The following TBC1D2B variants were observed in gnomAD, a reference collection of about 807,000 sequenced individuals.
TBC1D2B encodes TBC1 domain family, member 2B.
TBC1D2B carries 64 observed loss-of-function variants against 100.8 expected under a neutral mutation model. That is an observed-to-expected ratio of 0.64 (90% CI 0.52 to 0.78). The LOEUF is 0.78. Ranked by LOEUF, TBC1D2B falls within the 30% of genes least tolerant of loss-of-function variation. The pLI, the probability that TBC1D2B is intolerant of heterozygous loss-of-function variation, is 0.00. For synonymous variants in TBC1D2B, 480 were observed against 479.7 expected (o/e 1.00, Z -0.01); for missense variants, 1,052 against 1,218.4 (o/e 0.86, Z 2.03).
intron 8 of TBC1D2B, among the ~76,000 whole-genome samples, chr15:78,014,089 G>A (rs576607470): frequency 6.6e-6 from 1 of 152,316 alleles, no homozygotes; most frequent in South Asian, 2.1e-4. Context: ...CAGCCAGCAA[G>A]GAAATAGCGA....
chr15:78,073,063 T>C (rs2073765559), intron 1 of TBC1D2B, among the ~76,000 whole-genome samples: 1 of 152,358 alleles, frequency 6.6e-6, no homozygotes, highest in South Asian at 2.1e-4. Context: ...AGCAGACTTG[T>C]CAGAACAGAC....
intron 1 of TBC1D2B, among the ~76,000 whole-genome samples, chr15:78,075,184 A>C (rs1232779069): frequency 1.3e-5 from 2 of 151,696 alleles, no homozygotes; most frequent in East Asian, 3.9e-4. Flanking sequence ...GCTTATGTAG[A>C]TTCTTATTTA....
chr15:78,023,998 ATGAT>A (rs2072584598), intron 6 of TBC1D2B, among the ~76,000 whole-genome samples, 154 bp downstream of exon 6: 1 of 152,168 alleles, frequency 6.6e-6, no homozygotes, highest in African/African-American at 2.4e-5. Context: ...CAGAAGATTA[ATGAT>A]TATTTGATGG....
At position 77,996,319 on chromosome 15, in the gene TBC1D2B, G is replaced by C; in HGVS notation, c.*1841C>G. On this transcript the variant is annotated 3_prime_UTR_variant, in exon 13 of 13. Coordinates refer to ENST00000300584, the MANE Select transcript of TBC1D2B (RefSeq NM_144572.2). ...GCAGTGTGTGCTGGCATGTTCCAGGGGCCATTGGCTCGGAAAGTAAAACCT... is the reference window on the plus strand; with the variant it reads ...GCAGTGTGTGCTGGCATGTTCCAGGCGCCATTGGCTCGGAAAGTAAAACCT... 1 of 152,052 alleles carries C rather than the reference G, an allele frequency of 6.6e-6. No homozygotes were observed. The highest frequency in any genetic ancestry group is 1.5e-5 in the Non-Finnish European group (1 of 68,036). The allele number at this position is 152,052 out of a possible 1,614,324, so 9.4% of individuals were successfully genotyped here.
intron 3 of TBC1D2B, among the ~76,000 whole-genome samples, chr15:78,031,553 C>CAAAAA (rs1278040829): frequency 2.1e-4 from 1 of 4,652 alleles, no homozygotes; most frequent in Non-Finnish European, 2.0e-3. Flanking sequence ...GACTCTGTCT[C>CAAAAA]CAAAAAAAAA....
intron 8 of TBC1D2B, among the ~76,000 whole-genome samples, chr15:78,015,920 C>A (rs535743632): frequency 2.6e-5 from 4 of 152,154 alleles, no homozygotes; most frequent in African/African-American, 9.7e-5. Flanking sequence ...TGAAGCAAGG[C>A]TTCACCTGGG....
Position 78,044,881 on chromosome 15 carries a change from C to T in TBC1D2B, c.683+19G>A, listed in dbSNP as rs763606925. The T allele has an allele frequency of 6.3e-7, 1 of 1,575,406 alleles. No homozygotes were observed. Among genetic ancestry groups the T allele is most frequent in the Non-Finnish European group, 8.6e-7 (1 of 1,156,942 alleles). ...AACAACCCATTTTCAATTTCATATG[C>T]TGCTTTCTAAAGACTCACTTGAGCT... On this transcript the variant is annotated intron_variant, in intron 3 of 12. Transcript: ENST00000300584.
intron 6 of TBC1D2B, among the ~76,000 whole-genome samples, chr15:78,022,635 G>A (rs1296373963): frequency 1.3e-5 from 2 of 151,940 alleles, no homozygotes; most frequent in Non-Finnish European, 2.9e-5. Context: ...GCCTTGCTCT[G>A]CTTTCCAGGG....
chr15:78,029,913 T>C, intron 4 of TBC1D2B, 94 bp downstream of exon 4: 1 of 1,085,354 alleles, frequency 9.2e-7, no homozygotes, highest in South Asian at 2.4e-5. Flanking sequence ...TCCTTATGCT[T>C]CTCGAAATAC....
intron 3 of TBC1D2B, among the ~76,000 whole-genome samples, chr15:78,033,170 C>A (rs1003235198): frequency 1.3e-5 from 2 of 152,128 alleles, no homozygotes; most frequent in African/African-American, 4.8e-5. Context: ...AGGTAAGAGG[C>A]ATGTGTTCAT....
chr15:78,008,999 G>A lies in TBC1D2B; in HGVS notation c.2386C>T (p.Gln796Ter). The change falls in exon 10 of 13, where the codon CAG becomes TAG. Residue 796 changes from glutamine to a stop codon, truncating the protein, a stop_gained and splice_region_variant. Coordinates refer to ENST00000300584, the MANE Select transcript of TBC1D2B (RefSeq NM_144572.2). LOFTEE classifies it high-confidence loss of function. ...AAACACAGAATTTTCAGAACTACCT[G>A]GGATCCTAAAAGAGTCTTTGTATAA... The part of the protein sequence containing the change: ...DYYTKTLLGS[Q>*]VDQRVFRDLM... 6.3e-7 allele frequency: 1 copy of A among 1,579,310 alleles called. No individual in the cohort carries two copies. The highest frequency in any genetic ancestry group is 8.6e-7 in the Non-Finnish European group (1 of 1,159,394).
At chr15:78,007,192 G>C (rs980711645) in intron 10 of TBC1D2B, among the ~76,000 whole-genome samples, 1 of 152,234 alleles carries the variant, frequency 6.6e-6, no homozygotes, top group Non-Finnish European at 1.5e-5. Context: ...CCCCATCAGC[G>C]GGCAGGAAGG....
rs1371870117 is a variant in TBC1D2B, at chr15:78,045,038, G to A, written c.545C>T (p.Ala182Val). ...AGCTAGGACATTTCTGGCTTTTTCT[G>A]CAGAAGCATTTGGGTGTGGGTAAAT... ...DLIYPHPNAS[A>V]EKARNVLAVE... The change falls in exon 3 of 13, where the codon GCA (alanine) becomes GTA (valine). Residue 182 changes from alanine to valine, a missense_variant. Around this residue, in one of 4 missense-constraint regions of TBC1D2B, gnomAD observed 627 missense variants for 646.1 expected, o/e 0.97. Transcript: ENST00000300584. 6.2e-7 allele frequency: 1 copy of A among 1,611,748 alleles called. No homozygotes were observed. Among genetic ancestry groups the A allele is most frequent in the Non-Finnish European group, 8.5e-7 (1 of 1,178,770 alleles).
chr15:77,998,724 T>G, intron 12 of TBC1D2B: 1 of 190,714 alleles, frequency 5.2e-6, no homozygotes, highest in Non-Finnish European at 1.1e-5. Flanking sequence ...CTCCCGGCAC[T>G]TGCATGGTGA....
chr15:78,046,410 T>C (rs1216523529), intron 2 of TBC1D2B, among the ~76,000 whole-genome samples: 4 of 152,250 alleles, frequency 2.6e-5, no homozygotes, highest in East Asian at 1.9e-4. Flanking sequence ...CACTTCTTTT[T>C]AAAATATCTC....
intron 4 of TBC1D2B, among the ~76,000 whole-genome samples, chr15:78,029,097 C>G (rs895657679): frequency 6.7e-6 from 1 of 150,346 alleles, no homozygotes; most frequent in African/African-American, 2.4e-5. Flanking sequence ...CGGTCTGTCA[C>G]CCAGGCTAGA....
intron 6 of TBC1D2B, among the ~76,000 whole-genome samples, chr15:78,019,694 C>A (rs572803177): frequency 6.6e-6 from 1 of 151,508 alleles, no homozygotes; most frequent in Non-Finnish European, 1.5e-5. Context: ...TTGAGACCAG[C>A]CTGGCTAACA....
chr15:78,013,136 G>C lies in TBC1D2B; in HGVS notation c.1957C>G (p.Pro653Ala). The part of the protein sequence containing the change: ...STVNREMMCS[P>A]ELKNLIRAGI... ...GCACGGATGAGGTTTTTTAACTCTG[G>C]AGAGCACATCATCTCCCTGTTCACT... Residue 653 changes from proline (P) to alanine (A), a missense_variant, in exon 9 of 13, where the codon CCA becomes GCA. This residue lies in a region of TBC1D2B where 373 missense variants were observed against 464.9 expected (regional missense o/e 0.80). Transcript: ENST00000300584. 5 of 1,613,958 alleles carry C rather than the reference G, an allele frequency of 3.1e-6. No individual in the cohort carries two copies. Among genetic ancestry groups the C allele is most frequent in the Non-Finnish European group, 4.2e-6 (5 of 1,179,876 alleles).
chr15:78,065,365 G>C (rs1490541995), intron 1 of TBC1D2B, among the ~76,000 whole-genome samples: 1 of 152,172 alleles, frequency 6.6e-6, no homozygotes, highest in African/African-American at 2.4e-5. Flanking sequence ...GCTTGTGAGG[G>C]ATCTGGCCAC....
Sources: allele counts gnomAD v4.1 joint callset (sites outside exome capture counted in the v4.1 genomes callset), GRCh38; gene constraint gnomAD v4.1.1; regional missense constraint gnomAD v4.1.1; transcripts MANE v1.5; gene names NCBI Gene and HGNC (gene_info 2026-07-23, HGNC 2026-07-21).